The following FSBP variants were observed in gnomAD, a reference collection of about 807,000 sequenced individuals.
FSBP encodes the protein fibrinogen silencer-binding protein.
A neutral mutation model predicts 24.6 loss-of-function variants in FSBP; 18 were observed. The observed-to-expected ratio is 0.73, with a 90% CI of 0.51 to 1.08. The LOEUF is 1.08. Among genes scored for constraint, FSBP ranks in the 50% least tolerant of loss-of-function variants. The pLI, the probability that FSBP is intolerant of heterozygous loss-of-function variation, is 0.00. For missense variants in FSBP, 305 were observed against 347.6 expected (o/e 0.88, Z 0.98); for synonymous variants, 110 against 125.8 (o/e 0.87, Z 0.84).
In FSBP at chr8:94,429,176, C is replaced by T. The variant is rs1812020640; in HGVS notation, c.*2955G>A. The T allele has an allele frequency of 1.1e-6, 1 of 899,220 alleles. No individual in the cohort carries two copies. The highest frequency in any genetic ancestry group is 1.3e-6 in the Non-Finnish European group (1 of 751,628). 55.7% of individuals were successfully genotyped at this position (899,220 alleles called of 1,614,324 possible). A position where few individuals can be genotyped will look rare whatever the true frequency, so the allele number is the denominator to read the frequency against. ...GTAAAAATAGGTTTCTTATTGTATA[C>T]AGCCCCTAAATGCTAATGAATTGTG... On this transcript the variant is annotated 3_prime_UTR_variant, in exon 2 of 2. Transcript: ENST00000481490.
At position 94,431,683 on chromosome 8, in the gene FSBP, A is replaced by G; in HGVS notation, c.*448T>C. 3.1e-6 allele frequency: 3 copies of G among 982,786 alleles called. No individual in the cohort carries two copies. Among genetic ancestry groups the G allele is most frequent in the Non-Finnish European group, 3.6e-6 (3 of 827,464 alleles). 60.9% of individuals were successfully genotyped at this position (982,786 alleles called of 1,614,324 possible). A position where few individuals can be genotyped will look rare whatever the true frequency, so the allele number is the denominator to read the frequency against. On this transcript the variant is annotated 3_prime_UTR_variant, in exon 2 of 2. Coordinates refer to ENST00000481490, the MANE Select transcript of FSBP (RefSeq NM_001256141.2). The stretch of plus-strand genomic sequence containing the variant: ...TAAAATCCTAGGATTTACTCCTTCA[A>G]AAGATAAAAGCATAAAAACCAATGT...
At position 94,429,639 on chromosome 8, in the gene FSBP, C is replaced by T. The variant is rs1812036164; in HGVS notation, c.*2492G>A. 1 of 983,526 alleles carries T rather than the reference C, an allele frequency of 1.0e-6. No homozygotes were observed. Among genetic ancestry groups the T allele is most frequent in the Admixed American group, 6.2e-5 (1 of 16,248 alleles). 60.9% of individuals were successfully genotyped at this position (983,526 alleles called of 1,614,324 possible). On this transcript the variant is annotated 3_prime_UTR_variant, in exon 2 of 2. Transcript: ENST00000481490. ...CTAGAATTATACTGGGAAACATTAC[C>T]TCAAATTAAGAATTACAAGATTCAT...
At position 94,428,445 on chromosome 8, in the gene FSBP, G is replaced by T; in HGVS notation, c.*3686C>A. The stretch of plus-strand genomic sequence containing the variant: ...GATACTCAAGTCCCTTATATAAAAT[G>T]TTTGTATTCACATACAATTTACACA... On this transcript the variant is annotated 3_prime_UTR_variant, in exon 2 of 2. Coordinates refer to ENST00000481490, the MANE Select transcript of FSBP (RefSeq NM_001256141.2). 1 of 449,046 alleles carries T rather than the reference G, an allele frequency of 2.2e-6. No homozygotes were observed. The highest frequency in any genetic ancestry group is 2.9e-6 in the Non-Finnish European group (1 of 340,462). The allele number at this position is 449,046 out of a possible 1,614,324, so 27.8% of individuals were successfully genotyped here.
Position 94,430,960 on chromosome 8 carries a change from T to C in FSBP, c.*1171A>G. On this transcript the variant is annotated 3_prime_UTR_variant, in exon 2 of 2. Transcript: ENST00000481490. ...ATACTCAATCCACTTTTTCCCATTC[T>C]TTTGTCTTTTTTCCAGCGTCTCACT... 1 of 985,364 alleles carries C rather than the reference T, an allele frequency of 1.0e-6. No individual in the cohort carries two copies. The highest frequency in any genetic ancestry group is 1.2e-6 in the Non-Finnish European group (1 of 829,920). 61.0% of individuals were successfully genotyped at this position (985,364 alleles called of 1,614,324 possible).
chr8:94,431,056 A>T lies in FSBP; in HGVS notation c.*1075T>A. Reference sequence around the variant, plus strand: ...CCACCCCATTCTACAACTTGGCTTAAAAATCCCTTCTCAACAAAACCCCAG... The same window carrying T: ...CCACCCCATTCTACAACTTGGCTTATAAATCCCTTCTCAACAAAACCCCAG... On this transcript the variant is annotated 3_prime_UTR_variant, in exon 2 of 2. Coordinates refer to ENST00000481490, the MANE Select transcript of FSBP (RefSeq NM_001256141.2). 1 of 985,420 alleles carries T rather than the reference A, an allele frequency of 1.0e-6. No individual in the cohort carries two copies. The highest frequency in any genetic ancestry group is 1.2e-6 in the Non-Finnish European group (1 of 829,920). 61.0% of individuals were successfully genotyped at this position (985,420 alleles called of 1,614,324 possible). A position where few individuals can be genotyped will look rare whatever the true frequency, so the allele number is the denominator to read the frequency against.
Position 94,436,682 on chromosome 8 carries a change from G to C in FSBP, c.187C>G (p.Arg63Gly), listed in dbSNP as rs867756203. ...YNAIGVDRPPRTAQGLRTLYK... is the reference protein window; with the variant it reads ...YNAIGVDRPPGTAQGLRTLYK... The stretch of plus-strand genomic sequence containing the variant: ...AGGGTGCGTAGGCCCTGTGCTGTTC[G>C]AGGAGGGCGGTCTACTCCAATTGCA... Residue 63 changes from arginine to glycine, a missense_variant, in exon 1 of 2, where the codon CGA becomes GGA. Coordinates refer to ENST00000481490, the MANE Select transcript of FSBP (RefSeq NM_001256141.2). 1.3e-6 allele frequency: 2 copies of C among 1,550,614 alleles called. No individual in the cohort carries two copies. The highest frequency in any genetic ancestry group is 2.4e-5 in the East Asian group (1 of 40,910).
In FSBP at chr8:94,432,205, T is replaced by C. The variant is rs934685233; in HGVS notation, c.826A>G (p.Arg276Gly). 2.6e-6 allele frequency: 4 copies of C among 1,550,234 alleles called. No homozygotes were observed. Among genetic ancestry groups the C allele is most frequent in the African/African-American group, 2.7e-5 (2 of 73,034 alleles). Residue 276 changes from arginine to glycine, a missense_variant, in exon 2 of 2, where the codon AGA becomes GGA. By Grantham distance (125) the Arg-to-Gly change is moderately radical. Coordinates refer to ENST00000481490, the MANE Select transcript of FSBP (RefSeq NM_001256141.2). Reference protein sequence around the residue: ...RRQQLEEELLRAKIEVEKLKA... With the variant: ...RRQQLEEELLGAKIEVEKLKA... ...AGCTTCTCCACTTCAATTTTTGCTC[T>C]TAGTAGCTCTTCCTCTAGCTGCTGC...
Position 94,427,747 on chromosome 8 carries a change from T to C in FSBP, c.*4384A>G, listed in dbSNP as rs1220965577. On this transcript the variant is annotated 3_prime_UTR_variant, in exon 2 of 2. Transcript: ENST00000481490. ...GTAGTATCTTGTATTTAAAAGAACA[T>C]GTGTTAACAAAGCATTTAACCATCA... The C allele has an allele frequency of 2.0e-6, 2 of 977,684 alleles. No individual in the cohort carries two copies. Among genetic ancestry groups the C allele is most frequent in the South Asian group, 4.7e-5 (1 of 21,108 alleles). The allele number at this position is 977,684 out of a possible 1,614,324, so 60.6% of individuals were successfully genotyped here.
In FSBP at chr8:94,428,964, G is replaced by T; in HGVS notation, c.*3167C>A. 1.0e-6 allele frequency: 1 copy of T among 982,680 alleles called. No individual in the cohort carries two copies. The highest frequency in any genetic ancestry group is 1.2e-6 in the Non-Finnish European group (1 of 827,484). 60.9% of individuals were successfully genotyped at this position (982,680 alleles called of 1,614,324 possible). ...TCAAATAAATAATTTTCTTTATACA[G>T]GAATTCTCATAAACTATACTATGTT... On this transcript the variant is annotated 3_prime_UTR_variant, in exon 2 of 2. Coordinates refer to ENST00000481490, the MANE Select transcript of FSBP (RefSeq NM_001256141.2).
Sources: allele counts gnomAD v4.1 joint callset, GRCh38; gene constraint gnomAD v4.1.1; transcripts MANE v1.5; gene names NCBI Gene and HGNC (gene_info 2026-07-23, HGNC 2026-07-21).